The following KRT6B variants were observed in gnomAD, a reference collection of about 807,000 sequenced individuals.
KRT6B encodes keratin, type II cytoskeletal 6B.
Under a neutral mutation model 44.7 loss-of-function variants are expected in KRT6B, and 29 were observed. The ratio of observed to expected loss-of-function variants is 0.65; its 90% confidence interval spans 0.48 to 0.88. The LOEUF is 0.88. Among genes scored for constraint, KRT6B ranks in the 40% least tolerant of loss-of-function variants. The pLI, the probability that KRT6B is intolerant of heterozygous loss-of-function variation, is 0.00. For missense variants in KRT6B, 600 were observed against 724.0 expected (o/e 0.83, Z 1.97); for synonymous variants, 213 against 296.0 (o/e 0.72, Z 2.88).
chr12:52,447,268 G>A lies in KRT6B; in HGVS notation c.1617C>T (p.Leu539=). 1 of 1,614,044 alleles carries A rather than the reference G, an allele frequency of 6.2e-7. No homozygotes were observed. The highest frequency in any genetic ancestry group is 8.5e-7 in the Non-Finnish European group (1 of 1,179,892). The change falls in exon 9 of 9, where the codon CTC becomes CTT. Residue 539 remains leucine, a synonymous_variant. Coordinates refer to ENST00000252252, the MANE Select transcript of KRT6B (RefSeq NM_005555.4). The stretch of plus-strand genomic sequence containing the variant: ...TGGAACTGCCGCCTCCAACAGAGCT[G>A]AGGCCACCCCCAGTGGCTCTGCCGC... ...SSSGRATGGG[L]SSVGGGSSTI... is the part of the protein sequence containing the mutation.
At position 52,450,627 on chromosome 12, in the gene KRT6B, G is replaced by A. The variant is rs1370077969; in HGVS notation, c.541-7C>T. On this transcript the variant is annotated splice_region_variant and splice_polypyrimidine_tract_variant and intron_variant, in intron 1 of 8. Coordinates refer to ENST00000252252, the MANE Select transcript of KRT6B (RefSeq NM_005555.4). ...GCTGCTCTAGGAACCGCACCTGGAG[G>A]GGAAGCAAAATGGTCATTTTCCAGG... is the stretch of plus-strand genomic sequence containing the variant. The A allele has an allele frequency of 6.2e-7, 1 of 1,613,988 alleles. No homozygotes were observed. Among genetic ancestry groups the A allele is most frequent in the Non-Finnish European group, 8.5e-7 (1 of 1,179,966 alleles).
In KRT6B at chr12:52,449,648, G is replaced by T. The variant is rs889313201; in HGVS notation, c.913-15C>A. The T allele has an allele frequency of 3.1e-6, 5 of 1,614,202 alleles. No individual in the cohort carries two copies. The Admixed American group carries it at 5.0e-5, about 16-fold the overall frequency. On this transcript the variant is annotated splice_polypyrimidine_tract_variant and intron_variant, in intron 4 of 8. Coordinates refer to ENST00000252252, the MANE Select transcript of KRT6B (RefSeq NM_005555.4). The stretch of plus-strand genomic sequence containing the variant: ...TGGGACAGCTCCTGCAGAACAGAAG[G>T]TCATAAGATCAACTTCACTTCTGAC...
rs1777257810 is a variant in KRT6B, at chr12:52,446,714, T to G, written c.*476A>C. 3 of 191,964 alleles carry G rather than the reference T, an allele frequency of 1.6e-5. No individual in the cohort carries two copies. Among genetic ancestry groups the G allele is most frequent in the South Asian group, 1.2e-4 (1 of 8,570 alleles). The allele number at this position is 191,964 out of a possible 1,614,324, so 11.9% of individuals were successfully genotyped here. A position where few individuals can be genotyped will look rare whatever the true frequency, so the allele number is the denominator to read the frequency against. ...AAGGCAAAGAGAGCAGAGAAAGCAG[T>G]GCAGGAATGCAGACTGCATCAGAAG... On this transcript the variant is annotated 3_prime_UTR_variant, in exon 9 of 9. Coordinates refer to ENST00000252252, the MANE Select transcript of KRT6B (RefSeq NM_005555.4).
Position 52,447,211 on chromosome 12 carries a change from G to A in KRT6B, c.1674C>T (p.Ser558=). 7 of 1,614,080 alleles carry A rather than the reference G, an allele frequency of 4.3e-6. No homozygotes were observed. Among genetic ancestry groups the A allele is most frequent in the Non-Finnish European group, 5.9e-6 (7 of 1,179,966 alleles). Residue 558 remains serine (S), a synonymous_variant, in exon 9 of 9, where the codon AGC becomes AGT. Coordinates refer to ENST00000252252, the MANE Select transcript of KRT6B (RefSeq NM_005555.4). ...CACTTCAGTGCTTGTAGCTCTTCCT[G>A]CTGGAGGAGGAGGTGGTGGTGTACT... ...TIKYTTTSSS[S]RKSYKH
rs187922676 is a variant in KRT6B at position 52,450,973 on chromosome 12, T to C, written c.541-353A>G. On this transcript the variant is annotated intron_variant, in intron 1 of 8. Transcript: ENST00000252252. ...TTTTTTTTACCGAGAGGATCTTAGT[T>C]AGGAGGGATATTAGATGTTGACTCA... is the stretch of plus-strand genomic sequence containing the variant. 2.0e-4 allele frequency among the ~76,000 whole-genome samples: 31 copies of C among 152,364 alleles called. 1 individual carries two copies. The highest frequency in any genetic ancestry group is 1.8e-3 in the Admixed American group (27 of 15,310).
At chr12:52,450,770 C>T in intron 1 of KRT6B, 150 bp from the exon 2 acceptor site, 1 of 1,282,690 alleles carries the variant, frequency 7.8e-7, no homozygotes, top group Non-Finnish European at 1.1e-6. Flanking sequence ...GCTCCCCCAA[C>T]TCCTTCTCCT....
chr12:52,449,312 A>G (rs1940360148), intron 5 of KRT6B, among the ~76,000 whole-genome samples, 157 bp downstream of exon 5: 3 of 152,202 alleles, frequency 2.0e-5, no homozygotes, highest in Non-Finnish European at 4.4e-5. Flanking sequence ...TGACTTGGGC[A>G]TAAGTTCCGC....
At chr12:52,447,495 G>A in intron 8 of KRT6B, 44 bp downstream of exon 8, 1 of 1,614,052 alleles carries the variant, frequency 6.2e-7, no homozygotes, top group Non-Finnish European at 8.5e-7. Context: ...AGCCCAGTCA[G>A]GAGAGTGCAA....
At chr12:52,448,786 C>T in intron 6 of KRT6B, 56 bp downstream of exon 6, 1 of 1,613,742 alleles carries the variant, frequency 6.2e-7, no homozygotes, top group East Asian at 2.2e-5. Flanking sequence ...GTGACTACTG[C>T]CTCATGACCT....
At position 52,449,553 on chromosome 12, in the gene KRT6B, G is replaced by C. The variant is rs753070394; in HGVS notation, c.993C>G (p.Asp331Glu). 3 of 1,614,224 alleles carry C rather than the reference G, an allele frequency of 1.9e-6. No individual in the cohort carries two copies. Among genetic ancestry groups the C allele is most frequent in the Middle Eastern group, 1.6e-4 (1 of 6,062 alleles). ...SMDNNRNLDL[D>E]SIIAEVKAQY... is the part of the protein sequence containing the mutation. ...GGGCCTTGACCTCAGCGATGATGCT[G>C]TCCAGGTCCAGGTTGCGGTTGTTGT... The change falls in exon 5 of 9, where the codon GAC (aspartate) becomes GAG (glutamate). Residue 331 changes from aspartate to glutamate, a missense_variant. By Grantham distance (45) the Asp-to-Glu change is conservative. This residue lies in a region of KRT6B where 479 missense variants were observed against 454.2 expected (regional missense o/e 1.05). Transcript: ENST00000252252.
At chr12:52,449,415 G>T (rs1041961357) in intron 5 of KRT6B, 54 bp downstream of exon 5, 7 of 1,613,206 alleles carry the variant, frequency 4.3e-6, no homozygotes, top group Non-Finnish European at 5.1e-6. Flanking sequence ...GCAGTCCTCT[G>T]GTATTCAGGG....
intron 5 of KRT6B, among the ~76,000 whole-genome samples, 160 bp from the exon 6 acceptor site, chr12:52,449,127 A>T (rs2277386): frequency 0.12 from 18,818 of 151,946 alleles, 1,262 homozygotes; most frequent in Admixed American, 0.21. Flanking sequence ...GATACTAAAC[A>T]CTGGAGTCAC....
In KRT6B at chr12:52,452,012, C is replaced by T; in HGVS notation, c.67G>A (p.Ala23Thr). 2 of 1,613,932 alleles carry T rather than the reference C, an allele frequency of 1.2e-6. No individual in the cohort carries two copies. The highest frequency in any genetic ancestry group is 1.7e-6 in the Non-Finnish European group (2 of 1,179,912). ...GAGCGGCTGACCCCAGGGAGCCTGGCTGAGTTGGCACTGAAACCCCGGCGG... is the reference window on the plus strand; with the variant it reads ...GAGCGGCTGACCCCAGGGAGCCTGGTTGAGTTGGCACTGAAACCCCGGCGG... ...SSRRGFSANS[A>T]RLPGVSRSGF... Residue 23 changes from alanine to threonine, a missense_variant, in exon 1 of 9, where the codon GCC becomes ACC. Transcript: ENST00000252252.
At position 52,447,084 on chromosome 12, in the gene KRT6B, G is replaced by A. The variant is rs1940321776; in HGVS notation, c.*106C>T. ...GAGGGCATCCCAGCTCTACCCGGGA[G>A]GGCAGGGGAGACTGGAGGCCAGGGG... On this transcript the variant is annotated 3_prime_UTR_variant, in exon 9 of 9. Transcript: ENST00000252252. 2 of 1,429,326 alleles carry A rather than the reference G, an allele frequency of 1.4e-6. No individual in the cohort carries two copies. Among genetic ancestry groups the A allele is most frequent in the Admixed American group, 1.8e-5 (1 of 54,570 alleles). The allele number at this position is 1,429,326 out of a possible 1,614,324, so 88.5% of individuals were successfully genotyped here. A position where few individuals can be genotyped will look rare whatever the true frequency, so the allele number is the denominator to read the frequency against.
chr12:52,447,394 A>G lies in KRT6B; in HGVS notation c.1491T>C (p.Tyr497=), dbSNP rs757339399. Residue 497 remains tyrosine (Y), a synonymous_variant, in exon 9 of 9, where the codon TAT becomes TAC. Transcript: ENST00000252252. ...SVVQSTVSSG[Y]GGASGVGSGL... The stretch of plus-strand genomic sequence containing the variant: ...CACTGCCGACACCGCTGGCACCGCC[A>G]TAGCCACTGGAGACGGTGGACTGCA... 7.4e-6 allele frequency: 12 copies of G among 1,613,854 alleles called. No individual in the cohort carries two copies. Among genetic ancestry groups the G allele is most frequent in the Non-Finnish European group, 1.0e-5 (12 of 1,179,932 alleles).
intron 6 of KRT6B, among the ~76,000 whole-genome samples, chr12:52,448,379 A>T (rs1940346214): frequency 6.6e-6 from 1 of 152,212 alleles, no homozygotes; most frequent in East Asian, 1.9e-4. Context: ...TTTTCACATG[A>T]GGCTGTTGTG....
intron 6 of KRT6B, 109 bp from the exon 7 acceptor site, chr12:52,448,107 G>A (rs2121514105): frequency 2.2e-6 from 3 of 1,373,516 alleles, no homozygotes; most frequent in South Asian, 1.2e-5. Context: ...AGAACTGATG[G>A]TAAATGAGCT....
chr12:52,452,121 G>A lies in KRT6B; in HGVS notation c.-43C>T, dbSNP rs1365685131. On this transcript the variant is annotated 5_prime_UTR_variant, in exon 1 of 9. Coordinates refer to ENST00000252252, the MANE Select transcript of KRT6B (RefSeq NM_005555.4). ...GGGCTTAGGAGAGTGTGAGAGGCTG[G>A]AGGCGAGAGGGAGGAGAAGCAGGAC... The A allele has an allele frequency of 3.1e-6, 5 of 1,613,872 alleles. No homozygotes were observed. The African/African-American group carries it at 5.3e-5, about 17-fold the overall frequency.
chr12:52,451,121 C>T (rs532287072), intron 1 of KRT6B, among the ~76,000 whole-genome samples: 463 of 151,444 alleles, frequency 3.1e-3, no homozygotes, highest in Middle Eastern at 0.01. Flanking sequence ...TTCTATGTCC[C>T]TTTTTTTCTT....
Sources: allele counts gnomAD v4.1 joint callset (sites outside exome capture counted in the v4.1 genomes callset), GRCh38; gene constraint gnomAD v4.1.1; regional missense constraint gnomAD v4.1.1; transcripts MANE v1.5; gene names NCBI Gene and HGNC (gene_info 2026-07-23, HGNC 2026-07-21).